Variants in PATL2 observed in about 807,000 individuals in gnomAD.
The protein encoded by PATL2 is PAT1 homolog 2, also known as protein PAT1 homolog 2.
In PATL2, 73 loss-of-function variants were observed where a neutral mutation model predicts 77.0. That is an observed-to-expected ratio of 0.95 (90% CI 0.78 to 1.15). The LOEUF is 1.15. Among genes scored for constraint, PATL2 ranks in the 50% most tolerant of loss-of-function variants. The pLI is 0.00. For missense variants in PATL2, 618 were observed against 655.4 expected (o/e 0.94, Z 0.62); for synonymous variants, 265 against 257.1 (o/e 1.03, Z -0.29).
In PATL2 at chr15:44,672,405, C is replaced by G. The variant is rs1316836388; in HGVS notation, c.498G>C (p.Gln166His). The G allele has an allele frequency of 5.8e-6, 9 of 1,550,986 alleles. No individual in the cohort carries two copies. Among genetic ancestry groups the G allele is most frequent in the Non-Finnish European group, 7.9e-6 (9 of 1,146,468 alleles). Residue 166 changes from glutamine to histidine, a missense_variant, in exon 8 of 18, where the codon CAG becomes CAC. Coordinates refer to ENST00000682850, the MANE Select transcript of PATL2 (RefSeq NM_001387263.1). ...PRHQRILQQQQHSQTPSPPAK... is the reference protein window; with the variant it reads ...PRHQRILQQQHHSQTPSPPAK... ...GGCTTTACCTTGGTGTTTGACTATG[C>G]TGCTGCTGCTGCAAGATTCGTTGGT...
Position 44,670,448 on chromosome 15 carries a change from C to T in PATL2, c.658-361G>A, listed in dbSNP as rs533391035. 3.9e-3 allele frequency among the ~76,000 whole-genome samples: 593 copies of T among 152,288 alleles called. 2 individuals are homozygous for T. Among genetic ancestry groups the T allele is most frequent in the African/African-American group, 0.014 (567 of 41,552 alleles). On this transcript the variant is annotated intron_variant, in intron 9 of 17. Transcript: ENST00000682850. ...GACTCAAGCAATCAGCCCTCCTTGGCCTCCCAAAGTGCTGGGATTACAGGC... is the reference window on the plus strand; with the variant it reads ...GACTCAAGCAATCAGCCCTCCTTGGTCTCCCAAAGTGCTGGGATTACAGGC...
intron 9 of PATL2, 23 bp downstream of exon 9, chr15:44,671,992 G>C (rs2085705115): frequency 6.4e-7 from 1 of 1,551,258 alleles, no homozygotes; most frequent in Non-Finnish European, 8.7e-7. Flanking sequence ...GTCAGAGGCT[G>C]GGCTGAGTAC....
Position 44,678,010 on chromosome 15 carries a change from G to GTA in PATL2, c.-75-1447_-75-1446dup, listed in dbSNP as rs369397135. Among the ~76,000 whole-genome samples the GTA allele has an allele frequency of 1.3e-4, 20 of 151,586 alleles. 1 individual carries two copies. The highest frequency in any genetic ancestry group is 2.9e-4 in the African/African-American group (12 of 41,286). On this transcript the variant is annotated intron_variant, in intron 3 of 17. Transcript: ENST00000682850. The stretch of plus-strand genomic sequence containing the variant: ...CCACCACCATGCCCAGCTAATTTTT[G>GTA]TATATATATATATTTTTTTTCAGTA...
intron 3 of PATL2, among the ~76,000 whole-genome samples, chr15:44,688,751 A>G (rs2086319394): frequency 6.6e-6 from 1 of 152,240 alleles, no homozygotes; most frequent in South Asian, 2.1e-4. Flanking sequence ...TGAAAACCAT[A>G]AAAACCCCAG....
At position 44,667,064 on chromosome 15, in the gene PATL2, C is replaced by T. The variant is rs547168925; in HGVS notation, c.1463+42G>A. 9.5e-5 allele frequency: 137 copies of T among 1,438,520 alleles called. No individual in the cohort carries two copies. The Middle Eastern group carries it at 1.9e-3, about 20-fold the overall frequency. 89.1% of individuals were successfully genotyped at this position (1,438,520 alleles called of 1,614,324 possible). On this transcript the variant is annotated intron_variant, in intron 16 of 17. Coordinates refer to ENST00000682850, the MANE Select transcript of PATL2 (RefSeq NM_001387263.1). ...TTCACCTGGCTCAGTCTGCACATCCCGAGGGTACTAGATAGTATTTACAAG... is the reference window on the plus strand; with the variant it reads ...TTCACCTGGCTCAGTCTGCACATCCTGAGGGTACTAGATAGTATTTACAAG...
intron 3 of PATL2, among the ~76,000 whole-genome samples, chr15:44,709,453 A>G (rs539828503): frequency 9.2e-4 from 140 of 152,180 alleles, no homozygotes; most frequent in African/African-American, 3.3e-3. Flanking sequence ...AGGCTGGGGA[A>G]GGAGGATCAC....
At chr15:44,676,980 G>T (rs2085991342) in intron 3 of PATL2, 2 of 918,406 alleles carry the variant, frequency 2.2e-6, no homozygotes, top group Non-Finnish European at 2.6e-6. Flanking sequence ...CCCATTAAAG[G>T]GCTAGCATCC....
At chr15:44,709,146 G>C (rs914269855) in intron 3 of PATL2, among the ~76,000 whole-genome samples, 1 of 152,002 alleles carries the variant, frequency 6.6e-6, no homozygotes, top group Admixed American at 6.6e-5. Flanking sequence ...TGATCTGCCC[G>C]CCTTGACCTC....
chr15:44,683,560 G>C (rs1312365510), intron 3 of PATL2, among the ~76,000 whole-genome samples: 3 of 152,184 alleles, frequency 2.0e-5, no homozygotes, highest in African/African-American at 4.8e-5. Flanking sequence ...TCTGGGCAGG[G>C]TATCTCTGAA....
rs1272591469 is a variant in PATL2, at chr15:44,668,433, G to C, written c.1274C>G (p.Thr425Ser). The change falls in exon 15 of 18, where the codon ACC becomes AGC. Residue 425 changes from threonine (T) to serine (S), a missense_variant. Physicochemically the swap from Thr to Ser is moderately conservative, Grantham distance 58. Coordinates refer to ENST00000682850, the MANE Select transcript of PATL2 (RefSeq NM_001387263.1). ...AAGTCCTTGGAGGAGTTCGTGGAGG[G>C]TCAAGTGACTAATACATTTGCCCAG... The part of the protein sequence containing the change: ...KPLGKCISHL[T>S]LHELLQGLQG... 5 of 1,551,222 alleles carry C rather than the reference G, an allele frequency of 3.2e-6. No individual in the cohort carries two copies. The highest frequency in any genetic ancestry group is 4.4e-6 in the Non-Finnish European group (5 of 1,146,956).
intron 15 of PATL2, among the ~76,000 whole-genome samples, chr15:44,668,087 A>G (rs1340079696): frequency 6.6e-6 from 1 of 152,236 alleles, no homozygotes; most frequent in African/African-American, 2.4e-5. Context: ...TTAGAGACTC[A>G]CATCAGCAGC....
intron 3 of PATL2, among the ~76,000 whole-genome samples, chr15:44,682,442 T>C (rs1161839876): frequency 6.6e-6 from 1 of 152,222 alleles, no homozygotes; most frequent in East Asian, 1.9e-4. Flanking sequence ...ATGTTCCTCA[T>C]CTCTGTGCCC....
At chr15:44,678,551 G>A (rs1437666293) in intron 3 of PATL2, among the ~76,000 whole-genome samples, 1 of 152,174 alleles carries the variant, frequency 6.6e-6, no homozygotes, top group Non-Finnish European at 1.5e-5. Context: ...CCAAGCCTAT[G>A]TTAGGCTTGG....
intron 3 of PATL2, among the ~76,000 whole-genome samples, chr15:44,699,976 G>A (rs1156751715): frequency 6.6e-6 from 1 of 152,086 alleles, no homozygotes; most frequent in African/African-American, 2.4e-5. Flanking sequence ...AGTTTTGGCT[G>A]TTCTGGGCCT....
At chr15:44,670,719 G>A (rs1290141176) in intron 9 of PATL2, among the ~76,000 whole-genome samples, 1 of 152,224 alleles carries the variant, frequency 6.6e-6, no homozygotes, top group African/African-American at 2.4e-5. Context: ...TCCAGCGTCT[G>A]TAACCTTCCT....
chr15:44,672,107 G>A lies in PATL2; in HGVS notation c.565C>T (p.Leu189Phe). ...CAGTCCTTCTCTTTTCTGGTCATGA[G>A]GTTAGCATAGGGGTCTGGCTGCTGA... ...WSQQPDPYANLMTRKEKDWVI... is the reference protein window; with the variant it reads ...WSQQPDPYANFMTRKEKDWVI... The change falls in exon 9 of 18, where the codon CTC becomes TTC. Residue 189 changes from leucine (L) to phenylalanine (F), a missense_variant. Physicochemically the swap from Leu to Phe is conservative, Grantham distance 22. Coordinates refer to ENST00000682850, the MANE Select transcript of PATL2 (RefSeq NM_001387263.1). 1.9e-6 allele frequency: 3 copies of A among 1,551,700 alleles called. No homozygotes were observed. The South Asian group carries it at 3.6e-5, about 18-fold the overall frequency.
At position 44,666,511 on chromosome 15, in the gene PATL2, C is replaced by G. The variant is rs530693290; in HGVS notation, c.1494G>C (p.Glu498Asp). The change falls in exon 17 of 18, where the codon GAG (glutamate) becomes GAC (aspartate). Residue 498 changes from glutamate (E) to aspartate (D), a missense_variant. Glu to Asp is a conservative substitution (Grantham distance 45). Transcript: ENST00000682850. ...WTDMVVLIAW[E>D]IAQMPTASLA... ...GAGAGGCTGTAGGCATTTGGGCTATCTCCCAGGCAATCAGAACCACCATGT... is the reference window on the plus strand; with the variant it reads ...GAGAGGCTGTAGGCATTTGGGCTATGTCCCAGGCAATCAGAACCACCATGT... 1 of 1,551,156 alleles carries G rather than the reference C, an allele frequency of 6.4e-7. No homozygotes were observed. The highest frequency in any genetic ancestry group is 8.7e-7 in the Non-Finnish European group (1 of 1,146,746).
At chr15:44,710,070 C>T (rs1478011766) in intron 3 of PATL2, among the ~76,000 whole-genome samples, 26 bp downstream of exon 3, 1 of 152,162 alleles carries the variant, frequency 6.6e-6, no homozygotes, top group African/African-American at 2.4e-5. Context: ...AATTATAGCG[C>T]TTATTAAACA....
chr15:44,679,894 C>A (rs949417097), intron 3 of PATL2, among the ~76,000 whole-genome samples: 1 of 152,186 alleles, frequency 6.6e-6, no homozygotes, highest in Non-Finnish European at 1.5e-5. Flanking sequence ...CAAGTAATAG[C>A]AGAATCCCCT....
Sources: allele counts gnomAD v4.1 joint callset (sites outside exome capture counted in the v4.1 genomes callset), GRCh38; gene constraint gnomAD v4.1.1; transcripts MANE v1.5; gene names NCBI Gene and HGNC (gene_info 2026-07-23, HGNC 2026-07-21).